SVEP1: variants seen among roughly 807,000 people sequenced by gnomAD.
SVEP1 encodes sushi, von Willebrand factor type A, EGF and pentraxin domain containing 1.
A neutral mutation model predicts 367.3 loss-of-function variants in SVEP1; 164 were observed. The observed-to-expected ratio is 0.45, with a 90% CI of 0.39 to 0.51. The LOEUF (loss-of-function observed/expected upper bound fraction) is 0.51, where lower values mean the gene tolerates loss of function less well. Among genes scored for constraint, SVEP1 ranks in the 20% least tolerant of loss-of-function variants. The probability of loss-of-function intolerance (pLI) is 0.00; values close to 1 mark genes in which losing one functional copy is unlikely to be tolerated. For synonymous variants in SVEP1, 1,666 were observed against 1,611.6 expected (o/e 1.03, Z -0.81); for missense variants, 4,117 against 4,425.3 (o/e 0.93, Z 1.98).
chr9:110,460,191 T>C (rs1396128114), intron 18 of SVEP1, among the ~76,000 whole-genome samples: 1 of 152,184 alleles, frequency 6.6e-6, no homozygotes, highest in Non-Finnish European at 1.5e-5. Flanking sequence ...AGAAAGATGG[T>C]TTAAAATGTA....
In SVEP1 at chr9:110,398,455, C is replaced by G. The variant is rs1009779765; in HGVS notation, c.9822+2399G>C. ...TGGGCAAGGACTTCATGCTAAAACACCAAAAGCAATGGCAACAAAAGCCAA... is the reference window on the plus strand; with the variant it reads ...TGGGCAAGGACTTCATGCTAAAACAGCAAAAGCAATGGCAACAAAAGCCAA... On this transcript the variant is annotated intron_variant, in intron 40 of 47. Transcript: ENST00000374469. Among the ~76,000 whole-genome samples, 42 of 152,116 alleles carry G rather than the reference C, an allele frequency of 2.8e-4. 1 individual carries two copies. The highest frequency in any genetic ancestry group is 1.0e-3 in the African/African-American group (42 of 41,418).
chr9:110,380,924 A>G (rs76332879), intron 43 of SVEP1, among the ~76,000 whole-genome samples: 1 of 152,110 alleles, frequency 6.6e-6, no homozygotes, highest in African/African-American at 2.4e-5. Flanking sequence ...TTGGAAGGGT[A>G]TATCTGTCTA....
intron 40 of SVEP1, among the ~76,000 whole-genome samples, chr9:110,399,474 A>G (rs1368255757): frequency 2.0e-5 from 3 of 152,120 alleles, no homozygotes; most frequent in Non-Finnish European, 2.9e-5. Context: ...TGTACCCTAA[A>G]ACTTAAAGTA....
chr9:110,551,339 T>C (rs916906312), intron 1 of SVEP1, among the ~76,000 whole-genome samples: 1 of 152,240 alleles, frequency 6.6e-6, no homozygotes, highest in African/African-American at 2.4e-5. Flanking sequence ...AATCAGTGGG[T>C]ATTCATTACA....
chr9:110,391,887 C>T (rs368022888), intron 40 of SVEP1, among the ~76,000 whole-genome samples: 18 of 152,000 alleles, frequency 1.2e-4, no homozygotes, highest in African/African-American at 4.1e-4. Context: ...GGGCATCTTC[C>T]AAAACACTGA....
intron 40 of SVEP1, 44 bp downstream of exon 40, chr9:110,400,809 AT>A (rs1564131350): frequency 7.7e-6 from 12 of 1,563,956 alleles, no homozygotes; most frequent in Non-Finnish European, 9.5e-6. Flanking sequence ...CCCCAAGTAT[AT>A]TGGAAAAACA....
Position 110,451,318 on chromosome 9 carries a change from T to G in SVEP1, c.3872A>C (p.Tyr1291Ser). ...AAATCCTTTCACACATGTGCAACGA[T>G]AGCCAGCCACACCATCAACACAGAT... ...KGICVDGVAG[Y>S]RCTCVKGFVG... The change falls in exon 23 of 48, where the codon TAT becomes TCT. Residue 1291 changes from tyrosine (Y) to serine (S), a missense_variant. This residue lies in a region of SVEP1 where 2,174 missense variants were observed against 2,494.3 expected (regional missense o/e 0.87). Transcript: ENST00000374469. The G allele has an allele frequency of 6.2e-7, 1 of 1,613,826 alleles. No individual in the cohort carries two copies. The highest frequency in any genetic ancestry group is 8.5e-7 in the Non-Finnish European group (1 of 1,179,774).
chr9:110,499,214 A>G lies in SVEP1; in HGVS notation c.1508T>C (p.Met503Thr), dbSNP rs553644089. Residue 503 changes from methionine to threonine, a missense_variant, in exon 7 of 48, where the codon ATG becomes ACG. By Grantham distance (81) the Met-to-Thr change is moderately conservative. Coordinates refer to ENST00000374469, the MANE Select transcript of SVEP1 (RefSeq NM_153366.4). Reference sequence around the variant, plus strand: ...GGGGGATATGATGACATCTTTGGGCATCTGAAAGGTGGAACAGTGGCGCTC... The same window carrying G: ...GGGGGATATGATGACATCTTTGGGCGTCTGAAAGGTGGAACAGTGGCGCTC... ...CVERHCSTFQMPKDVIISPHN... is the reference protein window; with the variant it reads ...CVERHCSTFQTPKDVIISPHN... The G allele has an allele frequency of 3.1e-6, 5 of 1,612,930 alleles. No individual in the cohort carries two copies. The South Asian group carries it at 5.5e-5, about 18-fold the overall frequency.
At chr9:110,471,065 C>G (rs1445087094) in intron 16 of SVEP1, among the ~76,000 whole-genome samples, 1 of 152,076 alleles carries the variant, frequency 6.6e-6, no homozygotes, top group Non-Finnish European at 1.5e-5. Flanking sequence ...TGGTGCTCAG[C>G]TGGAATACAG....
chr9:110,438,790 T>C (rs1185385395), intron 27 of SVEP1, among the ~76,000 whole-genome samples: 1 of 152,222 alleles, frequency 6.6e-6, no homozygotes, highest in East Asian at 1.9e-4. Context: ...TCAACTTACA[T>C]ACTTGCCAGC....
intron 3 of SVEP1, among the ~76,000 whole-genome samples, chr9:110,532,531 G>C (rs1830033653): frequency 6.6e-6 from 1 of 152,106 alleles, no homozygotes; most frequent in Non-Finnish European, 1.5e-5. Context: ...TAGCAGCTTG[G>C]GGTATCTGGA....
intron 22 of SVEP1, among the ~76,000 whole-genome samples, chr9:110,452,623 G>T (rs1828709791): frequency 6.6e-6 from 1 of 152,202 alleles, no homozygotes; most frequent in African/African-American, 2.4e-5. Flanking sequence ...CACAGCATGT[G>T]GACCTCTTAG....
intron 32 of SVEP1, among the ~76,000 whole-genome samples, 157 bp from the exon 33 acceptor site, chr9:110,430,607 C>T (rs568266790): frequency 6.6e-6 from 1 of 152,304 alleles, no homozygotes; most frequent in South Asian, 2.1e-4. Context: ...ACACATTGGA[C>T]ATTAGACCAG....
rs1828671095 is a variant in SVEP1, at chr9:110,450,202, T to C, written c.3960A>G (p.Ala1320=). The part of the protein sequence containing the change: ...ECQSNPCLNN[A]VCEDQVGGFL... ...ATCCCCCAACCTGGTCTTCACAGAC[T>C]GCATTATTTAAGCATGGGTTTGACT... The change falls in exon 24 of 48, where the codon GCA becomes GCG. Residue 1320 remains alanine, a synonymous_variant. Transcript: ENST00000374469. 8.7e-6 allele frequency: 14 copies of C among 1,613,902 alleles called. No homozygotes were observed. Among genetic ancestry groups the C allele is most frequent in the Non-Finnish European group, 1.2e-5 (14 of 1,179,818 alleles).
At chr9:110,576,967 C>G (rs755547919) in intron 1 of SVEP1, among the ~76,000 whole-genome samples, 1 of 152,020 alleles carries the variant, frequency 6.6e-6, no homozygotes, top group African/African-American at 2.4e-5. Context: ...AAATAGAAAA[C>G]TATTTCTCTG....
At chr9:110,438,304 A>G (rs908836599) in intron 27 of SVEP1, among the ~76,000 whole-genome samples, 8 of 149,180 alleles carry the variant, frequency 5.4e-5, no homozygotes, top group African/African-American at 1.5e-4. Context: ...CTCACGCCTC[A>G]GCCTCCCAAA....
intron 1 of SVEP1, among the ~76,000 whole-genome samples, chr9:110,563,341 A>C (rs957579170): frequency 6.6e-6 from 1 of 152,194 alleles, no homozygotes; most frequent in Non-Finnish European, 1.5e-5. Context: ...GAGAGACAAA[A>C]ACTGTAATTA....
At chr9:110,459,918 GATT>G (rs1466951396) in intron 18 of SVEP1, among the ~76,000 whole-genome samples, 2 of 151,858 alleles carry the variant, frequency 1.3e-5, no homozygotes, top group Non-Finnish European at 2.9e-5. Context: ...GGTTTTTTAT[GATT>G]ATTTTATATA....
intron 13 of SVEP1, among the ~76,000 whole-genome samples, chr9:110,477,729 T>C (rs1189473433): frequency 6.6e-6 from 1 of 152,102 alleles, no homozygotes; most frequent in African/African-American, 2.4e-5. Context: ...CTACTTCCAA[T>C]GTATCAGCAA....
Sources: allele counts gnomAD v4.1 joint callset (sites outside exome capture counted in the v4.1 genomes callset), GRCh38; gene constraint gnomAD v4.1.1; regional missense constraint gnomAD v4.1.1; transcripts MANE v1.5; gene names NCBI Gene and HGNC (gene_info 2026-07-23, HGNC 2026-07-21).